Variants in FCHSD2 observed in about 807,000 individuals in gnomAD.
FCHSD2 encodes F-BAR and double SH3 domains protein 2.
In FCHSD2, 38 loss-of-function variants were observed where a neutral mutation model predicts 108.1. That is an observed-to-expected ratio of 0.35 (90% CI 0.27 to 0.46). The LOEUF (loss-of-function observed/expected upper bound fraction) is 0.46. Among genes scored for constraint, FCHSD2 ranks in the 20% least tolerant of loss-of-function variants. The probability of loss-of-function intolerance (pLI) is 1.00; values close to 1 mark genes in which losing one functional copy is unlikely to be tolerated. For missense variants in FCHSD2, 751 were observed against 897.8 expected (o/e 0.84, Z 2.09); for synonymous variants, 279 against 314.7 (o/e 0.89, Z 1.20).
At chr11:73,110,826 G>A (rs575170202) in intron 2 of FCHSD2, among the ~76,000 whole-genome samples, 46 of 151,936 alleles carry the variant, frequency 3.0e-4, no homozygotes, top group South Asian at 2.1e-4. Context: ...TTCCCACTTC[G>A]TACTGCTGTC....
intron 3 of FCHSD2, among the ~76,000 whole-genome samples, chr11:73,065,834 C>T (rs1859277333): frequency 6.6e-6 from 1 of 152,146 alleles, no homozygotes; most frequent in African/African-American, 2.4e-5. Context: ...CTACAAACCA[C>T]TGCTCAAGGA....
intron 13 of FCHSD2, among the ~76,000 whole-genome samples, chr11:72,859,240 T>C (rs1861509244): frequency 6.6e-6 from 1 of 152,230 alleles, no homozygotes; most frequent in Non-Finnish European, 1.5e-5. Flanking sequence ...TTGTGTGCCA[T>C]TCTGAGTAGC....
At chr11:72,861,651 C>T (rs537598409) in intron 13 of FCHSD2, among the ~76,000 whole-genome samples, 8 of 152,188 alleles carry the variant, frequency 5.3e-5, no homozygotes, top group South Asian at 2.1e-4. Context: ...AAGGATAGGC[C>T]GGGCGCGCTG....
rs187609457 is a variant in FCHSD2 at position 72,847,148 on chromosome 11, C to T, written c.1443+2607G>A. 1.2e-3 allele frequency among the ~76,000 whole-genome samples: 180 copies of T among 152,260 alleles called. 1 individual carries two copies. The highest frequency in any genetic ancestry group is 4.1e-3 in the African/African-American group (172 of 41,558). On this transcript the variant is annotated intron_variant, in intron 14 of 19. Coordinates refer to ENST00000409418, the MANE Select transcript of FCHSD2 (RefSeq NM_014824.3). ...AATAGCTAGGACGATAGGCATGTGCCACCATGCTCAGCTAATTTTAAAATT... is the reference window on the plus strand; with the variant it reads ...AATAGCTAGGACGATAGGCATGTGCTACCATGCTCAGCTAATTTTAAAATT...
chr11:72,989,209 G>T, intron 5 of FCHSD2, 112 bp from the exon 6 acceptor site: 1 of 751,312 alleles, frequency 1.3e-6, no homozygotes, highest in Non-Finnish European at 2.1e-6. Flanking sequence ...CAGGGGAAAA[G>T]TCAGTACGTT....
chr11:72,881,000 C>T (rs1171357121), intron 12 of FCHSD2, among the ~76,000 whole-genome samples: 2 of 151,874 alleles, frequency 1.3e-5, no homozygotes, highest in African/African-American at 4.8e-5. Context: ...GGCTTTAAGG[C>T]CACAGGCAAC....
At chr11:73,070,354 T>C (rs903107319) in intron 3 of FCHSD2, among the ~76,000 whole-genome samples, 4 of 152,212 alleles carry the variant, frequency 2.6e-5, no homozygotes, top group Admixed American at 2.6e-4. Flanking sequence ...CCCAACCTTC[T>C]CTTGACATCC....
intron 2 of FCHSD2, among the ~76,000 whole-genome samples, chr11:73,112,067 C>T (rs1860499360): frequency 6.6e-6 from 1 of 152,162 alleles, no homozygotes; most frequent in Non-Finnish European, 1.5e-5. Context: ...TTTCTGTGTA[C>T]TTACTATTAC....
chr11:73,076,432 G>T (rs985346423), intron 3 of FCHSD2, among the ~76,000 whole-genome samples: 1 of 152,156 alleles, frequency 6.6e-6, no homozygotes, highest in Non-Finnish European at 1.5e-5. Context: ...AGCGAAAGAA[G>T]ACAGACAAGA....
Position 72,838,512 on chromosome 11 carries a change from C to G in FCHSD2, c.*279G>C, listed in dbSNP as rs1325760419. ...TTCTTGAGTCTCATATAAAAACAGA[C>G]CACTGTTAGGCATGAGGGCTGCCCC... is the stretch of plus-strand genomic sequence containing the variant. On this transcript the variant is annotated 3_prime_UTR_variant, in exon 20 of 20. Coordinates refer to ENST00000409418, the MANE Select transcript of FCHSD2 (RefSeq NM_014824.3). 2 of 482,868 alleles carry G rather than the reference C, an allele frequency of 4.1e-6. No individual in the cohort carries two copies. Among genetic ancestry groups the G allele is most frequent in the Non-Finnish European group, 7.6e-6 (2 of 264,702 alleles). The allele number at this position is 482,868 out of a possible 1,614,324, so 29.9% of individuals were successfully genotyped here. A position where few individuals can be genotyped will look rare whatever the true frequency, so the allele number is the denominator to read the frequency against.
intron 8 of FCHSD2, among the ~76,000 whole-genome samples, chr11:72,948,323 T>C (rs936439574): frequency 6.6e-6 from 1 of 152,178 alleles, no homozygotes; most frequent in Non-Finnish European, 1.5e-5. Context: ...ATATCATAAA[T>C]TATTGGCTGC....
chr11:73,112,378 T>C (rs776314460), intron 2 of FCHSD2, among the ~76,000 whole-genome samples: 13 of 152,220 alleles, frequency 8.5e-5, no homozygotes, highest in Non-Finnish European at 1.8e-4. Flanking sequence ...AGCTCCATTA[T>C]GTGTTTTTGT....
chr11:73,114,645 G>A (rs1860564355), intron 2 of FCHSD2, among the ~76,000 whole-genome samples: 1 of 151,952 alleles, frequency 6.6e-6, no homozygotes, highest in Admixed American at 6.6e-5. Flanking sequence ...TAGTCAGCAG[G>A]TAAAGAATGC....
chr11:72,856,937 G>C (rs1861443198), intron 13 of FCHSD2, among the ~76,000 whole-genome samples: 1 of 151,942 alleles, frequency 6.6e-6, no homozygotes, highest in Admixed American at 6.6e-5. Context: ...AAAAACAGTG[G>C]GTATTACAAA....
chr11:72,930,938 T>C (rs974702361), intron 8 of FCHSD2, among the ~76,000 whole-genome samples: 2 of 151,922 alleles, frequency 1.3e-5, no homozygotes, highest in African/African-American at 4.8e-5. Context: ...AAGAGTGTAA[T>C]TGGATTGTTT....
In FCHSD2 at chr11:73,007,221, A is replaced by G. The variant is rs867813823; in HGVS notation, c.243-6087T>C. Among the ~76,000 whole-genome samples the G allele has an allele frequency of 3.3e-5, 5 of 152,210 alleles. 1 individual carries two copies. The highest frequency in any genetic ancestry group is 1.3e-4 in the Admixed American group (2 of 15,270). On this transcript the variant is annotated intron_variant, in intron 4 of 19. Transcript: ENST00000409418. The stretch of plus-strand genomic sequence containing the variant: ...TAACTAGTAAAATACAAAACCATTC[A>G]TCCATATACCACCTAAGTTCATGCT...
intron 3 of FCHSD2, among the ~76,000 whole-genome samples, chr11:73,069,837 T>C (rs1262392339): frequency 6.6e-6 from 1 of 152,064 alleles, no homozygotes; most frequent in Non-Finnish European, 1.5e-5. Context: ...AAATAAAACA[T>C]CTAGATTCAT....
chr11:72,990,739 G>A (rs922087757), intron 5 of FCHSD2, among the ~76,000 whole-genome samples: 3 of 152,174 alleles, frequency 2.0e-5, no homozygotes, highest in African/African-American at 7.2e-5. Flanking sequence ...AGCACTAAAT[G>A]CCCACAAGAG....
At chr11:72,968,400 G>C (rs937222651) in intron 8 of FCHSD2, among the ~76,000 whole-genome samples, 2 of 152,168 alleles carry the variant, frequency 1.3e-5, no homozygotes, top group Admixed American at 1.3e-4. Flanking sequence ...CTCCTCTCCA[G>C]AGGCTATTTT....
Sources: allele counts gnomAD v4.1 joint callset (sites outside exome capture counted in the v4.1 genomes callset), GRCh38; gene constraint gnomAD v4.1.1; transcripts MANE v1.5; gene names NCBI Gene and HGNC (gene_info 2026-07-23, HGNC 2026-07-21).